The following TDRD1 variants were observed in gnomAD, a reference collection of about 807,000 sequenced individuals.
The protein encoded by TDRD1 is tudor domain containing 1.
In TDRD1, 37 loss-of-function variants were observed where a neutral mutation model predicts 140.6. That is an observed-to-expected ratio of 0.26 (90% CI 0.20 to 0.35). TDRD1 has a LOEUF of 0.35. Among genes scored for constraint, TDRD1 ranks in the 10% least tolerant of loss-of-function variants. The pLI is 1.00. For missense variants in TDRD1, 1,243 were observed against 1,393.0 expected (o/e 0.89, Z 1.71); for synonymous variants, 506 against 475.7 (o/e 1.06, Z -0.83).
chr10:114,225,934 C>T (rs1454503322), intron 21 of TDRD1, 115 bp from the exon 22 acceptor site: 2 of 845,220 alleles, frequency 2.4e-6, no homozygotes. Context: ...TGAACTGTAA[C>T]CAGAAATTTT....
At chr10:114,203,695 T>G in intron 8 of TDRD1, 128 bp downstream of exon 8, 1 of 797,464 alleles carries the variant, frequency 1.3e-6, no homozygotes, top group East Asian at 2.7e-5. Context: ...TCTATTCCTC[T>G]TCAGTATCCC....
rs2036427916 is a variant in TDRD1, at chr10:114,226,233, C to G, written c.3175+17C>G. On this transcript the variant is annotated intron_variant, in intron 22 of 25. Transcript: ENST00000251864. ...CACTTGAAGGTAGACAGCTAAGTCACTTTCCAATTTAGGTTTCTGGGTATT... is the reference window on the plus strand; with the variant it reads ...CACTTGAAGGTAGACAGCTAAGTCAGTTTCCAATTTAGGTTTCTGGGTATT... 6.3e-7 allele frequency: 1 copy of G among 1,578,148 alleles called. No individual in the cohort carries two copies. The highest frequency in any genetic ancestry group is 1.4e-5 in the African/African-American group (1 of 72,866).
upstream of TDRD1, among the ~76,000 whole-genome samples, chr10:114,175,770 T>A (rs116205658): frequency 3.9e-3 from 595 of 152,118 alleles, 1 homozygote; most frequent in African/African-American, 0.014. Context: ...CAGGACAAAT[T>A]TAGCATTCAA....
At chr10:114,228,877 C>T (rs113280012) in intron 25 of TDRD1, 34 of 672,474 alleles carry the variant, frequency 5.1e-5, no homozygotes, top group African/African-American at 2.4e-4. Context: ...TGAGCCCAGG[C>T]GTTCGAAGTC....
chr10:114,190,642 C>T (rs2120241529), intron 2 of TDRD1, among the ~76,000 whole-genome samples: 1 of 152,320 alleles, frequency 6.6e-6, no homozygotes, highest in South Asian at 2.1e-4. Flanking sequence ...AGTGCACCAC[C>T]ATGCCCAGCT....
At chr10:114,179,471 A>AG (rs2032842349) in intron 1 of TDRD1, 55 bp downstream of exon 1, 1 of 147,992 alleles carries the variant, frequency 6.8e-6, no homozygotes, top group African/African-American at 2.5e-5. Flanking sequence ...AGGGGAAGGG[A>AG]GGGGGCTTCG....
intron 1 of TDRD1, among the ~76,000 whole-genome samples, 154 bp from the exon 2 acceptor site, chr10:114,187,672 G>A (rs2033642331): frequency 6.6e-6 from 1 of 152,072 alleles, no homozygotes; most frequent in Non-Finnish European, 1.5e-5. Flanking sequence ...GTGCCTTGTC[G>A]GCCAAGTTTT....
chr10:114,189,258 A>G (rs1026808546), intron 2 of TDRD1, among the ~76,000 whole-genome samples: 1 of 152,220 alleles, frequency 6.6e-6, no homozygotes, highest in African/African-American at 2.4e-5. Context: ...TATTTGTGTA[A>G]TGAAATGGGA....
chr10:114,232,472 GT>G (rs2036807037), downstream of TDRD1, among the ~76,000 whole-genome samples: 1 of 114,338 alleles, frequency 8.7e-6, no homozygotes, highest in South Asian at 2.9e-4. Context: ...AACCTAAGAT[GT>G]TTCTCACCAA....
intron 4 of TDRD1, among the ~76,000 whole-genome samples, chr10:114,200,173 G>A (rs1419313718): frequency 6.6e-6 from 1 of 152,168 alleles, no homozygotes; most frequent in African/African-American, 2.4e-5. Context: ...TGCCTCTTGA[G>A]TTCTAATTTT....
chr10:114,213,793 A>G (rs956914479), intron 15 of TDRD1, among the ~76,000 whole-genome samples, 184 bp from the exon 16 acceptor site: 3 of 152,234 alleles, frequency 2.0e-5, no homozygotes, highest in African/African-American at 7.2e-5. Context: ...ATGATCAGAA[A>G]TGTAAATTTG....
intron 1 of TDRD1, among the ~76,000 whole-genome samples, chr10:114,184,184 T>A (rs1564930178): frequency 2.0e-5 from 3 of 151,870 alleles, no homozygotes; most frequent in South Asian, 2.1e-4. Flanking sequence ...TTTTTTTTTT[T>A]ACTATAAATA....
chr10:114,194,841 C>T (rs1210536580), intron 3 of TDRD1, among the ~76,000 whole-genome samples: 2 of 149,416 alleles, frequency 1.3e-5, no homozygotes, highest in African/African-American at 2.5e-5. Context: ...TCACCACAGC[C>T]TTGTACTCCT....
chr10:114,228,670 A>T (rs2036581507), intron 25 of TDRD1: 1 of 985,452 alleles, frequency 1.0e-6, no homozygotes, highest in African/African-American at 1.7e-5. Context: ...TGTCTAAAGA[A>T]CATACTGGTG....
chr10:114,191,154 AAAAG>A (rs769329305), intron 3 of TDRD1, 135 bp downstream of exon 3: 11 of 969,176 alleles, frequency 1.1e-5, no homozygotes, highest in African/African-American at 1.0e-4. Flanking sequence ...CATTTTTAAA[AAAAG>A]AAAACTTTCT....
intron 2 of TDRD1, among the ~76,000 whole-genome samples, chr10:114,188,989 T>C (rs2033762651): frequency 1.3e-5 from 2 of 152,094 alleles, no homozygotes; most frequent in African/African-American, 4.8e-5. Flanking sequence ...TCTCAGAATG[T>C]GCGCTTGGGC....
At chr10:114,230,742 A>T (rs1455460426) in intron 25 of TDRD1, among the ~76,000 whole-genome samples, 1 of 152,206 alleles carries the variant, frequency 6.6e-6, no homozygotes, top group African/African-American at 2.4e-5. Flanking sequence ...ACTCCTTTAA[A>T]TTATTCTTTG....
chr10:114,176,270 G>A (rs2032694850), upstream of TDRD1, among the ~76,000 whole-genome samples: 1 of 150,776 alleles, frequency 6.6e-6, no homozygotes, highest in African/African-American at 2.4e-5. The surrounding 1 kb of genome is among the most constrained non-coding windows in gnomAD (Gnocchi z 4.2). Context: ...GCCGGGGGAT[G>A]CAATCAACAA....
At chr10:114,204,634 A>G in intron 9 of TDRD1, 88 bp from the exon 10 acceptor site, 1 of 1,319,978 alleles carries the variant, frequency 7.6e-7, no homozygotes, top group Non-Finnish European at 1.0e-6. Context: ...AGTTTTCAGC[A>G]TGAAATACAT....
Sources: gnomAD v4.1 joint callset for allele counts (sites outside exome capture counted in the v4.1 genomes callset) on GRCh38, gnomAD v4.1.1 for gene constraint, Gnocchi (gnomAD v3.1) non-coding constraint, MANE v1.5 for transcripts, NCBI Gene and HGNC (gene_info 2026-07-23, HGNC 2026-07-21) for gene names.